The following TMEM150C variants were observed in gnomAD, a reference collection of about 807,000 sequenced individuals.
The protein encoded by TMEM150C is transmembrane protein 150C.
In TMEM150C, 10 loss-of-function variants were observed where a neutral mutation model predicts 29.9. That is an observed-to-expected ratio of 0.33 (90% CI 0.21 to 0.57). TMEM150C has a LOEUF of 0.57. Among genes scored for constraint, TMEM150C ranks in the 20% least tolerant of loss-of-function variants. The pLI, the probability that TMEM150C is intolerant of heterozygous loss-of-function variation, is 0.88. For missense variants in TMEM150C, 251 were observed against 303.6 expected, an observed-to-expected ratio of 0.83 and a Z score of 1.29; for synonymous variants, 101 against 112.5, an observed-to-expected ratio of 0.90 and a Z score of 0.64.
intron 5 of TMEM150C, among the ~76,000 whole-genome samples, chr4:82,498,592 ATTTT>A (rs925997502): frequency 6.6e-6 from 1 of 151,560 alleles, no homozygotes; most frequent in African/African-American, 2.4e-5. Context: ...TGGCTGGCTA[ATTTT>A]TTTTTAAATG....
intron 1 of TMEM150C, among the ~76,000 whole-genome samples, chr4:82,559,534 G>A (rs1446752119): frequency 2.0e-5 from 3 of 152,048 alleles, no homozygotes; most frequent in Admixed American, 1.3e-4. Flanking sequence ...CAGCCTGGGC[G>A]AGAGAGTGAG....
Position 82,484,037 on chromosome 4 carries a change from CCG to C in TMEM150C, c.*1472_*1473del, listed in dbSNP as rs1335082572. On this transcript the variant is annotated 3_prime_UTR_variant, in exon 8 of 8. Coordinates refer to ENST00000449862, the MANE Select transcript of TMEM150C (RefSeq NM_001080506.3). ...GAGCTCCCAACCTCAGGTGATCCGC[CCG>C]CCTCAGCCTCCCAAAGTGCTGGGAT... The C allele has an allele frequency of 6.6e-6, 1 of 152,068 alleles. No homozygotes were observed. The highest frequency in any genetic ancestry group is 1.9e-4 in the East Asian group (1 of 5,178). 9.4% of individuals were successfully genotyped at this position (152,068 alleles called of 1,614,324 possible).
intron 1 of TMEM150C, among the ~76,000 whole-genome samples, chr4:82,553,121 A>G (rs895542738): frequency 2.0e-5 from 3 of 152,110 alleles, no homozygotes; most frequent in Admixed American, 6.5e-5. Flanking sequence ...CAGTTACTCA[A>G]CTCTTCAGTG....
chr4:82,488,610 C>CTTTTA (rs536660612), intron 7 of TMEM150C, among the ~76,000 whole-genome samples: 144 of 151,856 alleles, frequency 9.5e-4, no homozygotes, highest in African/African-American at 3.3e-3. Context: ...TTATTTTTGC[C>CTTTTA]TTTTATTTTA....
intron 1 of TMEM150C, 145 bp downstream of exon 1, chr4:82,561,761 C>CCCGCAGCCGAGCAGGGCT (rs1260664034): frequency 5.6e-6 from 3 of 538,176 alleles, no homozygotes; most frequent in Non-Finnish European, 7.1e-6. Context: ...CGAGCAGGGC[C>CCCGCAGCCGAGCAGGGCT]CCGCAGCCGG....
At chr4:82,501,346 A>T (rs189779633) in intron 5 of TMEM150C, among the ~76,000 whole-genome samples, 1 of 152,166 alleles carries the variant, frequency 6.6e-6, no homozygotes, top group African/African-American at 2.4e-5. Flanking sequence ...AATATCTAGG[A>T]TGTGGAAGTC....
intron 6 of TMEM150C, among the ~76,000 whole-genome samples, chr4:82,492,093 G>T (rs1020181226): frequency 3.6e-5 from 5 of 140,404 alleles, no homozygotes; most frequent in African/African-American, 1.4e-4. Context: ...GAGCCACCAT[G>T]GTGCCTGGCC....
Position 82,485,598 on chromosome 4 carries a change from C to T in TMEM150C, c.663G>A (p.Glu221=), listed in dbSNP as rs902920317. The T allele has an allele frequency of 5.0e-6, 8 of 1,611,070 alleles. No homozygotes were observed. The Admixed American group carries it at 5.0e-5, about 10-fold the overall frequency. ...TCTCCTGGTACTCAGAGCAAACAAT[C>T]TCATAGCGGTAATGCCGGAACTCCA... ...FAVEFRHYRY[E]IVCSEYQENF... Residue 221 remains glutamate, a synonymous_variant, in exon 8 of 8, where the codon GAG becomes GAA. Coordinates refer to ENST00000449862, the MANE Select transcript of TMEM150C (RefSeq NM_001080506.3).
chr4:82,550,602 C>T (rs1045648741), intron 1 of TMEM150C, among the ~76,000 whole-genome samples: 1 of 151,958 alleles, frequency 6.6e-6, no homozygotes, highest in African/African-American at 2.4e-5. Context: ...AGATCAAGAC[C>T]ACGGTGAAAC....
At chr4:82,546,397 G>A (rs144709616) in intron 1 of TMEM150C, among the ~76,000 whole-genome samples, 1 of 152,236 alleles carries the variant, frequency 6.6e-6, no homozygotes, top group African/African-American at 2.4e-5. Flanking sequence ...CAGACTAGTG[G>A]AACAGAATAA....
chr4:82,555,035 A>T (rs1235515652), intron 1 of TMEM150C, among the ~76,000 whole-genome samples: 1 of 152,348 alleles, frequency 6.6e-6, no homozygotes, highest in East Asian at 1.9e-4. Context: ...GACAAAGTCT[A>T]TGGACTTTAA....
At chr4:82,513,970 A>C (rs942333819) in intron 1 of TMEM150C, among the ~76,000 whole-genome samples, 2 of 152,274 alleles carry the variant, frequency 1.3e-5, no homozygotes, top group African/African-American at 4.8e-5. Context: ...TAGCCAAGCC[A>C]GTAATATGAC....
chr4:82,525,460 G>A (rs1476596563), intron 1 of TMEM150C, among the ~76,000 whole-genome samples: 1 of 152,118 alleles, frequency 6.6e-6, no homozygotes, highest in Non-Finnish European at 1.5e-5. Context: ...GGAGGTGGGA[G>A]GGATGAGACT....
chr4:82,517,842 T>C (rs1724341869), intron 1 of TMEM150C, among the ~76,000 whole-genome samples: 1 of 152,230 alleles, frequency 6.6e-6, no homozygotes, highest in Admixed American at 6.5e-5. Flanking sequence ...ATATATCCTA[T>C]TGGTTCTGTT....
chr4:82,513,695 G>T (rs1186659575), intron 1 of TMEM150C, among the ~76,000 whole-genome samples: 5 of 152,136 alleles, frequency 3.3e-5, no homozygotes, highest in Non-Finnish European at 4.4e-5. Context: ...TGTCTTGAAG[G>T]GTTGGAAAAG....
chr4:82,498,746 T>A (rs1196437918), intron 5 of TMEM150C, among the ~76,000 whole-genome samples: 9 of 152,214 alleles, frequency 5.9e-5, no homozygotes, highest in African/African-American at 2.2e-4. Flanking sequence ...AGTTTGTTCC[T>A]TTATGCCCAG....
rs138679341 is a variant in TMEM150C, at chr4:82,550,157, G to A, written c.-11+11749C>T. Among the ~76,000 whole-genome samples, 594 of 152,280 alleles carry A rather than the reference G, an allele frequency of 3.9e-3. 2 individuals are homozygous for A. Among genetic ancestry groups the A allele is most frequent in the African/African-American group, 0.014 (561 of 41,548 alleles). On this transcript the variant is annotated intron_variant, in intron 1 of 7. Coordinates refer to ENST00000449862, the MANE Select transcript of TMEM150C (RefSeq NM_001080506.3). ...TAGATCAAGAGGGCAGTTTCCCCAT[G>A]CTGTTCTCATGGTAGTGAGTGAGTT... is the stretch of plus-strand genomic sequence containing the variant.
rs144328266 is a variant in TMEM150C at position 82,550,708 on chromosome 4, T to C, written c.-11+11198A>G. On this transcript the variant is annotated intron_variant, in intron 1 of 7. Coordinates refer to ENST00000449862, the MANE Select transcript of TMEM150C (RefSeq NM_001080506.3). ...GAGAGGCTAAGCCAGGAGAATGGCG[T>C]GAACCCAGGAGGCGGAGCTTGCAGT... Among the ~76,000 whole-genome samples the C allele has an allele frequency of 5.5e-4, 83 of 151,480 alleles. 1 individual carries two copies. Among genetic ancestry groups the C allele is most frequent in the African/African-American group, 2.0e-3 (81 of 41,252 alleles).
chr4:82,559,982 G>C lies in TMEM150C; in HGVS notation c.-11+1924C>G, dbSNP rs1421876463. On this transcript the variant is annotated intron_variant, in intron 1 of 7. Transcript: ENST00000449862. The stretch of plus-strand genomic sequence containing the variant: ...AGACAAAGCAGGAAGACAGACAAGA[G>C]TGTAAAGCAAAGGGCCTTCTCTCTT... 3.9e-5 allele frequency among the ~76,000 whole-genome samples: 6 copies of C among 152,316 alleles called. No individual in the cohort carries two copies. In the East Asian group the frequency reaches 1.2e-3, roughly 29 times the overall value.
Sources: allele counts gnomAD v4.1 joint callset (sites outside exome capture counted in the v4.1 genomes callset), GRCh38; gene constraint gnomAD v4.1.1; transcripts MANE v1.5; gene names NCBI Gene and HGNC (gene_info 2026-07-23, HGNC 2026-07-21).